The following ADGRL1 variants were observed in gnomAD, a reference collection of about 807,000 sequenced individuals.
ADGRL1 encodes the protein CIRL-1.
ADGRL1 carries 31 observed loss-of-function variants against 148.9 expected under a neutral mutation model. That is an observed-to-expected ratio of 0.21 (90% CI 0.16 to 0.28). The LOEUF (loss-of-function observed/expected upper bound fraction) is 0.28, where lower values mean the gene tolerates loss of function less well. ADGRL1 is among the 10% of genes least tolerant of loss of function. The probability of loss-of-function intolerance (pLI) is 1.00; values close to 1 mark genes in which losing one functional copy is unlikely to be tolerated. For synonymous variants in ADGRL1, 937 were observed against 900.3 expected (o/e 1.04, Z -0.73); for missense variants, 1,521 against 2,058.8 (o/e 0.74, Z 5.05).
intron 16 of ADGRL1, 57 bp from the exon 17 acceptor site, chr19:14,156,258 G>T: frequency 6.0e-6 from 8 of 1,328,614 alleles, no homozygotes; most frequent in Non-Finnish European, 8.6e-6. Flanking sequence ...CCCTCAGTGA[G>T]CACTGAGGCT....
chr19:14,203,065 G>A (rs1972720181), intron 1 of ADGRL1, among the ~76,000 whole-genome samples: 1 of 152,044 alleles, frequency 6.6e-6, no homozygotes, highest in Admixed American at 6.5e-5. Flanking sequence ...TTCCATCAGG[G>A]TGCCCAATAG....
chr19:14,190,070 G>C (rs960665212), intron 1 of ADGRL1, among the ~76,000 whole-genome samples: 1 of 152,180 alleles, frequency 6.6e-6, no homozygotes, highest in Admixed American at 6.5e-5. Flanking sequence ...CGGGGCTACG[G>C]GTGGGCACCA....
chr19:14,160,682 GGAA>G lies in ADGRL1; in HGVS notation c.1522_1524del (p.Phe508del). ...CAGAGCCCCAAGGCTGGTAGACACT[GGAA>G]GGAGGCAATTCCTGCAGGGACAGAC... is the stretch of plus-strand genomic sequence containing the variant. On this transcript the variant is annotated inframe_deletion, in exon 7 of 23. Transcript: ENST00000361434. The surrounding 1 kb of genome is among the most constrained non-coding windows in gnomAD (Gnocchi z 5.9). 1 of 1,610,596 alleles carries G rather than the reference GGAA, an allele frequency of 6.2e-7. No homozygotes were observed. Among genetic ancestry groups the G allele is most frequent in the Non-Finnish European group, 8.5e-7 (1 of 1,177,608 alleles).
Position 14,151,105 on chromosome 19 carries a change from G to C in ADGRL1, c.4178C>G (p.Pro1393Arg), listed in dbSNP as rs781360971. The change falls in exon 23 of 23, where the codon CCG becomes CGG. Residue 1393 changes from proline (P) to arginine (R), a missense_variant. Around this residue, in one of 8 missense-constraint regions of ADGRL1, gnomAD observed 390 missense variants for 375.0 expected, o/e 1.04. Transcript: ENST00000361434. ...GANLRDSPSY[P>R]DSSPEGPSEA... ...ACTGGGCCCCTCAGGGCTGCTGTCC[G>C]GGTAGGAGGGTGAGTCCCGCAGGTT... is the stretch of plus-strand genomic sequence containing the variant. 3.2e-6 allele frequency: 5 copies of C among 1,549,586 alleles called. No individual in the cohort carries two copies. The highest frequency in any genetic ancestry group is 4.3e-6 in the Non-Finnish European group (5 of 1,150,070).
At chr19:14,156,870 G>A (rs1384596274) in intron 15 of ADGRL1, 55 bp downstream of exon 15, 4 of 1,577,338 alleles carry the variant, frequency 2.5e-6, no homozygotes, top group African/African-American at 1.3e-5. Context: ...TCCAAGGGGT[G>A]CCGCCCAGCA....
chr19:14,205,032 TG>T (rs1434716622), intron 1 of ADGRL1, among the ~76,000 whole-genome samples: 2 of 151,938 alleles, frequency 1.3e-5, no homozygotes, highest in African/African-American at 4.8e-5. Context: ...GGACCCGGAC[TG>T]GAAGTGTAGA....
At chr19:14,174,791 C>G (rs537298362) in intron 3 of ADGRL1, among the ~76,000 whole-genome samples, 7 of 151,148 alleles carry the variant, frequency 4.6e-5, no homozygotes, top group Non-Finnish European at 1.0e-4. Context: ...CCGCCATGGC[C>G]TCCCAAAGTG....
chr19:14,182,404 A>G (rs1216810718), intron 2 of ADGRL1, among the ~76,000 whole-genome samples: 2 of 152,118 alleles, frequency 1.3e-5, no homozygotes, highest in East Asian at 1.9e-4. Flanking sequence ...AGATGCCCCA[A>G]TGTGGGGACC....
intron 4 of ADGRL1, among the ~76,000 whole-genome samples, chr19:14,167,575 G>A (rs1490205229): frequency 6.6e-6 from 1 of 152,094 alleles, no homozygotes; most frequent in African/African-American, 2.4e-5. Context: ...CCTCAGCCAA[G>A]AAACAGGCTG....
At chr19:14,158,773 C>G (rs756188739) in intron 11 of ADGRL1, among the ~76,000 whole-genome samples, 31 of 152,192 alleles carry the variant, frequency 2.0e-4, no homozygotes, top group Non-Finnish European at 4.3e-4. Context: ...GGCAGTGTGC[C>G]AGGACACACA....
chr19:14,157,090 G>C lies in ADGRL1; in HGVS notation c.2801C>G (p.Ser934Cys), dbSNP rs375662693. 2.5e-5 allele frequency: 40 copies of C among 1,614,026 alleles called. No individual in the cohort carries two copies. The highest frequency in any genetic ancestry group is 3.4e-5 in the Non-Finnish European group (40 of 1,180,032). ...GTGCACGCCCTCCAGGCACAGCCAG[G>C]AGAAGGCAGCCAGGAAGAAATAGTG... ...LLHYFFLAAFSWLCLEGVHLY... is the reference protein window; with the variant it reads ...LLHYFFLAAFCWLCLEGVHLY... The change falls in exon 15 of 23, where the codon TCC becomes TGC. Residue 934 changes from serine to cysteine, a missense_variant. This residue lies in a region of ADGRL1 where 26 missense variants were observed against 75.0 expected (regional missense o/e 0.35). Transcript: ENST00000361434. This position sits in a 1 kb window ranked among gnomAD's most constrained non-coding sequence, Gnocchi z 7.5.
chr19:14,201,853 G>A (rs1262555135), intron 1 of ADGRL1, among the ~76,000 whole-genome samples: 1 of 152,114 alleles, frequency 6.6e-6, no homozygotes, highest in Non-Finnish European at 1.5e-5. Flanking sequence ...AACAAGCGCA[G>A]AACATCAGGA....
intron 22 of ADGRL1, 62 bp from the exon 23 acceptor site, chr19:14,151,677 G>A (rs1406150561): frequency 6.8e-7 from 1 of 1,466,136 alleles, no homozygotes; most frequent in African/African-American, 1.4e-5. Context: ...AGGGGACAGT[G>A]AGGGGGTGCG....
At chr19:14,184,606 T>TTTTATTTATATA (rs1971444213) in intron 1 of ADGRL1, among the ~76,000 whole-genome samples, 1 of 103,996 alleles carries the variant, frequency 9.6e-6, no homozygotes, top group East Asian at 2.6e-4. Flanking sequence ...CTAATTTTTA[T>TTTTATTTATATA]TTTATTTATT....
Position 14,155,261 on chromosome 19 carries a change from G to A in ADGRL1, c.3294+98C>T. On this transcript the variant is annotated intron_variant, in intron 18 of 22. Coordinates refer to ENST00000361434, the MANE Select transcript of ADGRL1 (RefSeq NM_014921.5). The surrounding 1 kb of genome is among the most constrained non-coding windows in gnomAD (Gnocchi z 5.0). ...CTGCAGCACTCACTGGGGGCTTGAG[G>A]GAGCCCCTGAGTCCCCTCCACCCTC... The A allele has an allele frequency of 1.4e-6, 2 of 1,382,338 alleles. No homozygotes were observed. Among genetic ancestry groups the A allele is most frequent in the South Asian group, 2.7e-5 (2 of 75,458 alleles). The allele number at this position is 1,382,338 out of a possible 1,614,324, so 85.6% of individuals were successfully genotyped here. A position where few individuals can be genotyped will look rare whatever the true frequency, so the allele number is the denominator to read the frequency against.
intron 3 of ADGRL1, chr19:14,171,004 G>A (rs1599453760): frequency 1.9e-6 from 1 of 518,100 alleles, no homozygotes; most frequent in Non-Finnish European, 3.5e-6. Flanking sequence ...CCTGGTGGGA[G>A]GTGATTGGAT....
chr19:14,171,625 A>G (rs986665092), intron 3 of ADGRL1, among the ~76,000 whole-genome samples: 1 of 152,222 alleles, frequency 6.6e-6, no homozygotes, highest in Non-Finnish European at 1.5e-5. Context: ...TGAAATGTTC[A>G]GTGTCCAGCT....
intron 1 of ADGRL1, among the ~76,000 whole-genome samples, chr19:14,184,662 CG>C (rs1259939895): frequency 7.8e-6 from 1 of 127,724 alleles, no homozygotes; most frequent in African/African-American, 3.0e-5. Flanking sequence ...TTTTCTGAGA[CG>C]GAGTCGTGCT....
chr19:14,158,299 C>G (rs1419202066), intron 12 of ADGRL1, 39 bp downstream of exon 12: 2 of 1,593,936 alleles, frequency 1.3e-6, no homozygotes, highest in African/African-American at 2.7e-5. Context: ...ACAGAGGGTA[C>G]AGGGACCCCC....
Sources: allele counts gnomAD v4.1 joint callset (sites outside exome capture counted in the v4.1 genomes callset), GRCh38; gene constraint gnomAD v4.1.1; regional missense constraint gnomAD v4.1.1; non-coding constraint Gnocchi (gnomAD v3.1); transcripts MANE v1.5; gene names NCBI Gene and HGNC (gene_info 2026-07-23, HGNC 2026-07-21).